The following PROC variants were observed in gnomAD, a reference collection of about 807,000 sequenced individuals.
PROC encodes protein C, inactivator of coagulation factors Va and VIIIa, also known as vitamin K-dependent protein C.
PROC carries 22 observed loss-of-function variants against 36.3 expected under a neutral mutation model. The observed-to-expected ratio is 0.61, with a 90% confidence interval of 0.43 to 0.86. The LOEUF (loss-of-function observed/expected upper bound fraction) is 0.86. Among genes scored for constraint, PROC ranks in the 40% least tolerant of loss-of-function variants. The pLI, the probability that PROC is intolerant of heterozygous loss-of-function variation, is 0.00. For missense variants in PROC, 526 were observed against 629.7 expected (o/e 0.84, Z 1.76); for synonymous variants, 218 against 244.5 (o/e 0.89, Z 1.01).
chr2:127,424,921 C>T (rs959755657), intron 6 of PROC, among the ~76,000 whole-genome samples: 3 of 152,176 alleles, frequency 2.0e-5, no homozygotes, highest in Non-Finnish European at 2.9e-5. Flanking sequence ...TGTTCGGCCC[C>T]TCAGAGCAGG....
In PROC at chr2:127,423,381, G is replaced by T. The variant is rs2104954946; in HGVS notation, c.508G>T (p.Asp170Tyr). 6.4e-7 allele frequency: 1 copy of T among 1,550,586 alleles called. No individual in the cohort carries two copies. Residue 170 changes from aspartate to tyrosine, a missense_variant, in exon 6 of 9, where the codon GAC becomes TAC. Coordinates refer to ENST00000234071, the MANE Select transcript of PROC (RefSeq NM_000312.4). Reference sequence around the variant, plus strand: ...CTGTGCGCCTGGCTACAAGCTGGGGGACGACCTCCTGCAGTGTCACCCCGC... The same window carrying T: ...CTGTGCGCCTGGCTACAAGCTGGGGTACGACCTCCTGCAGTGTCACCCCGC... ...CSCAPGYKLG[D>Y]DLLQCHPAVK...
At position 127,426,755 on chromosome 2, in the gene PROC, G is replaced by A. The variant is rs1216383303; in HGVS notation, c.679-350G>A. On this transcript the variant is annotated intron_variant, in intron 7 of 8. Coordinates refer to ENST00000234071, the MANE Select transcript of PROC (RefSeq NM_000312.4). This position sits in a 1 kb window ranked among gnomAD's most constrained non-coding sequence, Gnocchi z 7.0. ...ACGGCCCTTCAAGATAGGGGCTGAG[G>A]GAGGCCCAAGGGGAACATCCAGGCA... 6.6e-6 allele frequency among the ~76,000 whole-genome samples: 1 copy of A among 152,208 alleles called. No homozygotes were observed. The highest frequency in any genetic ancestry group is 2.4e-5 in the African/African-American group (1 of 41,452).
chr2:127,427,052 C>T (rs1688550358), intron 7 of PROC, 53 bp from the exon 8 acceptor site: 1 of 1,502,088 alleles, frequency 6.7e-7, no homozygotes, highest in Admixed American at 1.7e-5. Flanking sequence ...GTGCCCTGGA[C>T]TGGAGGCTGT....
intron 2 of PROC, 116 bp downstream of exon 2, chr2:127,420,128 G>A: frequency 8.2e-7 from 1 of 1,222,022 alleles, no homozygotes; most frequent in Non-Finnish European, 1.2e-6. Context: ...TGAGGTGAGG[G>A]GCAGATGGGA....
rs1688545545 is a variant in PROC, at chr2:127,426,986, G to A, written c.679-119G>A. On this transcript the variant is annotated intron_variant, in intron 7 of 8. Transcript: ENST00000234071. The surrounding 1 kb of genome is among the most constrained non-coding windows in gnomAD (Gnocchi z 7.0). ...GCAAAAATAGAAAACGCCAGAAAGGGCCTAAGCCTATGCCCATATGACCAG... is the reference window on the plus strand; with the variant it reads ...GCAAAAATAGAAAACGCCAGAAAGGACCTAAGCCTATGCCCATATGACCAG... The A allele has an allele frequency of 3.4e-5, 30 of 879,144 alleles. No homozygotes were observed. In the South Asian group the frequency reaches 3.8e-4, roughly 11 times the overall value. 54.5% of individuals were successfully genotyped at this position (879,144 alleles called of 1,614,324 possible). A position where few individuals can be genotyped will look rare whatever the true frequency, so the allele number is the denominator to read the frequency against.
At chr2:127,420,049 G>C in intron 2 of PROC, 37 bp downstream of exon 2, 2 of 1,607,454 alleles carry the variant, frequency 1.2e-6, no homozygotes, top group Non-Finnish European at 1.7e-6. Context: ...GACCCTTGTG[G>C]CCTCTACAAG....
At chr2:127,425,979 C>A (rs893433353) in intron 6 of PROC, 106 bp from the exon 7 acceptor site, 1 of 1,353,674 alleles carries the variant, frequency 7.4e-7, no homozygotes, top group African/African-American at 1.4e-5. Flanking sequence ...GTTCCTTGAA[C>A]CCTGCACTGT....
chr2:127,425,416 G>C (rs1325982780), intron 6 of PROC, among the ~76,000 whole-genome samples: 1 of 152,192 alleles, frequency 6.6e-6, no homozygotes, highest in Non-Finnish European at 1.5e-5. Flanking sequence ...GCAGAGTCGG[G>C]CCGACCTTTC....
intron 3 of PROC, among the ~76,000 whole-genome samples, chr2:127,422,447 G>A (rs1688156303): frequency 6.6e-6 from 1 of 152,234 alleles, no homozygotes; most frequent in African/African-American, 2.4e-5. Flanking sequence ...CGCCGCAGCA[G>A]CAACCCTGGT....
At chr2:127,425,784 G>T (rs990478487) in intron 6 of PROC, among the ~76,000 whole-genome samples, 1 of 152,040 alleles carries the variant, frequency 6.6e-6, no homozygotes, top group Non-Finnish European at 1.5e-5. Flanking sequence ...ACCCCCAACA[G>T]CCCTGGGGTA....
rs1688720421 is a variant in PROC at position 127,429,027 on chromosome 2, T to C, written c.*81T>C. 1 of 1,498,476 alleles carries C rather than the reference T, an allele frequency of 6.7e-7. No homozygotes were observed. The highest frequency in any genetic ancestry group is 1.7e-4 in the Middle Eastern group (1 of 5,838). The allele number at this position is 1,498,476 out of a possible 1,614,324, so 92.8% of individuals were successfully genotyped here. ...ACATGTAACAAGCACACCGGCCTGCTGTTCTGTCCTTCCATCCCTCTTTTG... is the reference window on the plus strand; with the variant it reads ...ACATGTAACAAGCACACCGGCCTGCCGTTCTGTCCTTCCATCCCTCTTTTG... On this transcript the variant is annotated 3_prime_UTR_variant, in exon 9 of 9. Transcript: ENST00000234071.
In PROC at chr2:127,429,214, T is replaced by A. The variant is rs562021279; in HGVS notation, c.*268T>A. 4.2e-6 allele frequency: 2 copies of A among 471,782 alleles called. No homozygotes were observed. The highest frequency in any genetic ancestry group is 7.3e-5 in the Admixed American group (2 of 27,342). The allele number at this position is 471,782 out of a possible 1,614,324, so 29.2% of individuals were successfully genotyped here. A position where few individuals can be genotyped will look rare whatever the true frequency, so the allele number is the denominator to read the frequency against. On this transcript the variant is annotated 3_prime_UTR_variant, in exon 9 of 9. Coordinates refer to ENST00000234071, the MANE Select transcript of PROC (RefSeq NM_000312.4). ...TGTGTTGAGGGGGATACTCTGTTTA[T>A]GAAAAAGAATAAAAAACACAACCAC...
In PROC at chr2:127,428,960, A is replaced by C. The variant is rs910619185; in HGVS notation, c.*14A>C. On this transcript the variant is annotated 3_prime_UTR_variant, in exon 9 of 9. Transcript: ENST00000234071. ...TGGGCACCTTAGCGACCCTCCCTGCAGGGCTGGGCTTTTGCATGGCAATGG... is the reference window on the plus strand; with the variant it reads ...TGGGCACCTTAGCGACCCTCCCTGCCGGGCTGGGCTTTTGCATGGCAATGG... 1 of 1,613,342 alleles carries C rather than the reference A, an allele frequency of 6.2e-7. No homozygotes were observed. The highest frequency in any genetic ancestry group is 1.3e-5 in the African/African-American group (1 of 74,932).
chr2:127,427,810 G>A (rs1455811780), intron 8 of PROC, among the ~76,000 whole-genome samples: 1 of 152,218 alleles, frequency 6.6e-6, no homozygotes, highest in Non-Finnish European at 1.5e-5. Context: ...ATGGCCAGTG[G>A]CCCCCCGTGG....
Position 127,419,936 on chromosome 2 carries a change from C to T in PROC, c.-7C>T. Reference sequence around the variant, plus strand: ...GTCCTCCTCAGACAGGTGCCAGTGCCTCCAGAATGTGGCAGCTCACAAGCC... The same window carrying T: ...GTCCTCCTCAGACAGGTGCCAGTGCTTCCAGAATGTGGCAGCTCACAAGCC... On this transcript the variant is annotated 5_prime_UTR_variant, in exon 2 of 9. Transcript: ENST00000234071. The T allele has an allele frequency of 1.9e-6, 3 of 1,614,004 alleles. No individual in the cohort carries two copies. The highest frequency in any genetic ancestry group is 2.5e-6 in the Non-Finnish European group (3 of 1,180,016).
intron 2 of PROC, 30 bp downstream of exon 2, chr2:127,420,042 C>T (rs374596592): frequency 6.8e-6 from 11 of 1,610,654 alleles, no homozygotes; most frequent in Middle Eastern, 2.0e-4. Flanking sequence ...ACCCCGGGAC[C>T]CTTGTGGCCT....
At chr2:127,422,352 C>T (rs1047658560) in intron 3 of PROC, among the ~76,000 whole-genome samples, 1 of 152,282 alleles carries the variant, frequency 6.6e-6, no homozygotes, top group African/African-American at 2.4e-5. Flanking sequence ...CCCAGCAGGC[C>T]TTGGCTGGCC....
In PROC at chr2:127,418,583, TC is replaced by T; in HGVS notation, c.-22+93del. Reference sequence around the variant, plus strand: ...CTAGGTGGTGATGAGGGCTGAATCCTCCAGCCAGGGTGCTCAACAAGCCTGA... The same window carrying T: ...CTAGGTGGTGATGAGGGCTGAATCCTCAGCCAGGGTGCTCAACAAGCCTGA... On this transcript the variant is annotated intron_variant, in intron 1 of 8. Coordinates refer to ENST00000234071, the MANE Select transcript of PROC (RefSeq NM_000312.4). The surrounding 1 kb of genome is among the most constrained non-coding windows in gnomAD (Gnocchi z 4.8). 8.7e-7 allele frequency: 1 copy of T among 1,152,492 alleles called. No homozygotes were observed. Among genetic ancestry groups the T allele is most frequent in the Non-Finnish European group, 1.2e-6 (1 of 866,116 alleles). The allele number at this position is 1,152,492 out of a possible 1,614,324, so 71.4% of individuals were successfully genotyped here.
chr2:127,428,438 A>G lies in PROC; in HGVS notation c.878A>G (p.Lys293Arg), dbSNP rs144233408. 6.2e-7 allele frequency: 1 copy of G among 1,614,168 alleles called. No homozygotes were observed. Among genetic ancestry groups the G allele is most frequent in the East Asian group, 2.2e-5 (1 of 44,880 alleles). The part of the protein sequence containing the change: ...KEVFVHPNYS[K>R]STTDNDIALL... Reference sequence around the variant, plus strand: ...GTCTTCGTCCACCCCAACTACAGCAAGAGCACCACCGACAATGACATCGCA... The same window carrying G: ...GTCTTCGTCCACCCCAACTACAGCAGGAGCACCACCGACAATGACATCGCA... Residue 293 changes from lysine to arginine, a missense_variant, in exon 9 of 9, where the codon AAG becomes AGG. Physicochemically the swap from Lys to Arg is conservative, Grantham distance 26 (BLOSUM62 2). Transcript: ENST00000234071.
Sources: gnomAD v4.1 joint callset for allele counts (sites outside exome capture counted in the v4.1 genomes callset) on GRCh38, gnomAD v4.1.1 for gene constraint, Gnocchi (gnomAD v3.1) non-coding constraint, MANE v1.5 for transcripts, NCBI Gene and HGNC (gene_info 2026-07-23, HGNC 2026-07-21) for gene names.